The following FAM229B variants were observed in gnomAD, a reference collection of about 807,000 sequenced individuals.
FAM229B encodes the protein protein FAM229B.
FAM229B carries 2 observed loss-of-function variants against 6.7 expected under a neutral mutation model. The ratio of observed to expected loss-of-function variants is 0.30; its 90% CI spans 0.12 to 0.94. FAM229B has a LOEUF of 0.94. Ranked by LOEUF, FAM229B falls within the 40% of genes least tolerant of loss-of-function variation. The pLI, the probability that FAM229B is intolerant of heterozygous loss-of-function variation, is 0.54. For synonymous variants in FAM229B, 29 were observed against 34.0 expected, an observed-to-expected ratio of 0.85 and a Z score of 0.51; for missense variants, 93 against 96.2, an observed-to-expected ratio of 0.97 and a Z score of 0.14.
Position 112,097,671 on chromosome 6 carries a change from A to G in FAM229B, c.-15+470A>G, listed in dbSNP as rs187605063. Among the ~76,000 whole-genome samples, 987 of 152,192 alleles carry G rather than the reference A, an allele frequency of 6.5e-3. 10 individuals carry two copies. The highest frequency in any genetic ancestry group is 0.023 in the African/African-American group (934 of 41,470). Reference sequence around the variant, plus strand: ...CTAATAGTTGAAAACAGTGTGTACTAATAGTTGAAAACATTGTGTACTAAT... The same window carrying G: ...CTAATAGTTGAAAACAGTGTGTACTGATAGTTGAAAACATTGTGTACTAAT... On this transcript the variant is annotated intron_variant, in intron 2 of 3. Transcript: ENST00000368656.
chr6:112,098,294 G>A (rs587690548), intron 2 of FAM229B, among the ~76,000 whole-genome samples: 1 of 152,142 alleles, frequency 6.6e-6, no homozygotes, highest in Non-Finnish European at 1.5e-5. Context: ...GTGGGAGCAG[G>A]GGGTAGGGAA....
chr6:112,096,659 A>C (rs1554318681), intron 1 of FAM229B, among the ~76,000 whole-genome samples: 1 of 151,598 alleles, frequency 6.6e-6, no homozygotes, highest in East Asian at 1.9e-4. Flanking sequence ...AAAAAAATAA[A>C]GTTAGTCCAG....
chr6:112,102,209 C>G lies in FAM229B; in HGVS notation c.*1422C>G, dbSNP rs1285309303. On this transcript the variant is annotated 3_prime_UTR_variant, in exon 4 of 4. Transcript: ENST00000368656. ...ATGAAAAATTCCTCAGAGGGCTGGG[C>G]TTGGTGGCTCATGCCTGTAATCCTG... 2 of 152,090 alleles carry G rather than the reference C, an allele frequency of 1.3e-5. No homozygotes were observed. The highest frequency in any genetic ancestry group is 4.8e-5 in the African/African-American group (2 of 41,414). The allele number at this position is 152,090 out of a possible 1,614,324, so 9.4% of individuals were successfully genotyped here.
chr6:112,095,452 T>A (rs1554318551), intron 1 of FAM229B, among the ~76,000 whole-genome samples: 1 of 151,356 alleles, frequency 6.6e-6, no homozygotes, highest in African/African-American at 2.4e-5. Flanking sequence ...AGCAGCATGG[T>A]AAAACCCTCT....
intron 3 of FAM229B, 96 bp downstream of exon 3, chr6:112,099,504 A>C: frequency 8.2e-7 from 1 of 1,215,116 alleles, no homozygotes; most frequent in East Asian, 2.5e-5. Flanking sequence ...AAAAACTCTC[A>C]GCAATTCAAA....
At chr6:112,096,294 C>T (rs587688255) in intron 1 of FAM229B, among the ~76,000 whole-genome samples, 56 of 152,256 alleles carry the variant, frequency 3.7e-4, no homozygotes, top group Non-Finnish European at 7.5e-4. Flanking sequence ...CGGTGGCTCA[C>T]GCCTGTAATC....
At position 112,097,206 on chromosome 6, in the gene FAM229B, G is replaced by A. The variant is rs1562610989; in HGVS notation, c.-15+5G>A. 6.6e-6 allele frequency: 1 copy of A among 152,190 alleles called. No homozygotes were observed. Among genetic ancestry groups the A allele is most frequent in the East Asian group, 1.9e-4 (1 of 5,192 alleles). The allele number at this position is 152,190 out of a possible 1,614,324, so 9.4% of individuals were successfully genotyped here. A position where few individuals can be genotyped will look rare whatever the true frequency, so the allele number is the denominator to read the frequency against. On this transcript the variant is annotated splice_donor_5th_base_variant and intron_variant, in intron 2 of 3. Coordinates refer to ENST00000368656, the MANE Select transcript of FAM229B (RefSeq NM_001033564.3). ...AATCAGACTCAGCCTCTTTTGGTAAGTCTATTTATCCTTGATCAAATTAGC... is the reference window on the plus strand; with the variant it reads ...AATCAGACTCAGCCTCTTTTGGTAAATCTATTTATCCTTGATCAAATTAGC...
chr6:112,088,247 A>C (rs1456952858), intron 1 of FAM229B, among the ~76,000 whole-genome samples: 1 of 152,206 alleles, frequency 6.6e-6, no homozygotes, highest in Non-Finnish European at 1.5e-5. Flanking sequence ...CGAGATTAAC[A>C]CTAGGCATTT....
intron 1 of FAM229B, among the ~76,000 whole-genome samples, chr6:112,090,979 C>A (rs1353079195): frequency 3.3e-5 from 5 of 151,892 alleles, no homozygotes; most frequent in Non-Finnish European, 7.4e-5. Context: ...TTATTGTATC[C>A]GTTGGACATC....
intron 3 of FAM229B, 36 bp from the exon 4 acceptor site, chr6:112,100,634 A>G (rs782446041): frequency 7.3e-7 from 1 of 1,373,880 alleles, no homozygotes; most frequent in Non-Finnish European, 1.0e-6. Flanking sequence ...TCCTCTTTTT[A>G]GTATCTAACT....
intron 1 of FAM229B, among the ~76,000 whole-genome samples, chr6:112,089,301 G>T (rs907866118): frequency 2.0e-5 from 3 of 151,966 alleles, no homozygotes; most frequent in African/African-American, 7.3e-5. Flanking sequence ...AAGGGAGAGA[G>T]GGAGGGAAGG....
intron 1 of FAM229B, among the ~76,000 whole-genome samples, chr6:112,095,499 G>A (rs189582525): frequency 1.3e-5 from 2 of 151,556 alleles, no homozygotes; most frequent in East Asian, 1.9e-4. Context: ...GGGCATAGTG[G>A]TGTGCACCTG....
intron 1 of FAM229B, among the ~76,000 whole-genome samples, chr6:112,093,077 A>T (rs7757741): frequency 0.25 from 37,678 of 151,846 alleles, 4,697 homozygotes; most frequent in East Asian, 0.32. Context: ...AATGATAAAA[A>T]TACCCTAATT....
At chr6:112,091,247 T>G (rs963011446) in intron 1 of FAM229B, among the ~76,000 whole-genome samples, 1 of 152,100 alleles carries the variant, frequency 6.6e-6, no homozygotes, top group Non-Finnish European at 1.5e-5. Flanking sequence ...TTTATCTGTT[T>G]CTTTATTTGT....
At chr6:112,097,597 G>A (rs1318618859) in intron 2 of FAM229B, among the ~76,000 whole-genome samples, 1 of 151,840 alleles carries the variant, frequency 6.6e-6, no homozygotes, top group Non-Finnish European at 1.5e-5. Flanking sequence ...AAAACATTGT[G>A]TACTAATAGT....
At chr6:112,093,037 A>G (rs1477341028) in intron 1 of FAM229B, among the ~76,000 whole-genome samples, 1 of 151,962 alleles carries the variant, frequency 6.6e-6, no homozygotes, top group Non-Finnish European at 1.5e-5. Flanking sequence ...TTTTAATTCA[A>G]CCGTATCTAT....
chr6:112,095,662 C>CAAAA (rs376039549), intron 1 of FAM229B, among the ~76,000 whole-genome samples: 1 of 77,888 alleles, frequency 1.3e-5, no homozygotes, highest in Non-Finnish European at 2.7e-5. Context: ...AAAAAAAAAC[C>CAAAA]AAAAAAAAAA....
intron 2 of FAM229B, 89 bp from the exon 3 acceptor site, chr6:112,099,181 C>T (rs2114510325): frequency 1.7e-6 from 2 of 1,153,788 alleles, no homozygotes; most frequent in Non-Finnish European, 2.5e-6. Context: ...TTAAAACATT[C>T]CATGCAAGTC....
chr6:112,099,569 G>A (rs1777369175), intron 3 of FAM229B, among the ~76,000 whole-genome samples, 161 bp downstream of exon 3: 1 of 152,192 alleles, frequency 6.6e-6, no homozygotes, highest in African/African-American at 2.4e-5. Context: ...CCTTAGTGTA[G>A]AGTCTGTATT....
Sources: allele counts gnomAD v4.1 joint callset (sites outside exome capture counted in the v4.1 genomes callset), GRCh38; gene constraint gnomAD v4.1.1; transcripts MANE v1.5; gene names NCBI Gene and HGNC (gene_info 2026-07-23, HGNC 2026-07-21).